Variants in ATG7 observed in about 807,000 individuals in gnomAD.
ATG7 encodes autophagy related 7, also known as ubiquitin-like modifier-activating enzyme ATG7.
Under a neutral mutation model 82.4 loss-of-function variants are expected in ATG7, and 70 were observed. The observed-to-expected ratio is 0.85, with a 90% CI of 0.70 to 1.04. ATG7 has a LOEUF of 1.04. ATG7 is among the 50% of genes least tolerant of loss of function. The pLI is 0.00. For synonymous variants in ATG7, 287 were observed against 313.0 expected (o/e 0.92, Z 0.88); for missense variants, 792 against 864.3 (o/e 0.92, Z 1.05).
At chr3:11,464,613 TG>T (rs2086652265) in intron 20 of ATG7, among the ~76,000 whole-genome samples, 1 of 152,220 alleles carries the variant, frequency 6.6e-6, no homozygotes, top group Non-Finnish European at 1.5e-5. Flanking sequence ...CAGATGGACT[TG>T]TTGTTTTAAT....
chr3:11,456,951 A>G (rs2085793852), intron 20 of ATG7, among the ~76,000 whole-genome samples: 2 of 152,174 alleles, frequency 1.3e-5, no homozygotes, highest in Non-Finnish European at 2.9e-5. Flanking sequence ...AGCTTCCAGC[A>G]TGTCTCCTCC....
intron 19 of ATG7, among the ~76,000 whole-genome samples, chr3:11,398,659 C>G (rs1000650847): frequency 1.3e-5 from 2 of 152,138 alleles, no homozygotes; most frequent in African/African-American, 4.8e-5. Flanking sequence ...TTGAGACCAG[C>G]CTGTGCAACA....
chr3:11,385,319 C>T (rs1054973747), intron 19 of ATG7, among the ~76,000 whole-genome samples: 5 of 152,190 alleles, frequency 3.3e-5, no homozygotes, highest in Admixed American at 1.3e-4. Flanking sequence ...TGAGCCACTG[C>T]GCTCAGCCAG....
At chr3:11,372,142 C>T (rs980579681) in intron 18 of ATG7, among the ~76,000 whole-genome samples, 3 of 151,364 alleles carry the variant, frequency 2.0e-5, no homozygotes, top group African/African-American at 4.9e-5. Flanking sequence ...CAGGGATTTC[C>T]ACTCAAAGTG....
intron 20 of ATG7, among the ~76,000 whole-genome samples, chr3:11,537,848 C>T (rs2070450919): frequency 6.6e-6 from 1 of 152,172 alleles, no homozygotes; most frequent in Non-Finnish European, 1.5e-5. Flanking sequence ...TCCTGAGAAA[C>T]GAGCTAGCCC....
At chr3:11,316,074 T>G (rs1252645460) in intron 9 of ATG7, among the ~76,000 whole-genome samples, 1 of 152,100 alleles carries the variant, frequency 6.6e-6, no homozygotes, top group Non-Finnish European at 1.5e-5. Context: ...CCTGATGTAT[T>G]TTACCCTCTA....
rs2072351198 is a variant in ATG7 at position 11,555,825 on chromosome 3, T to C, written c.*982T>C. On this transcript the variant is annotated 3_prime_UTR_variant, in exon 21 of 21. Coordinates refer to ENST00000693202, the MANE Select transcript of ATG7 (RefSeq NM_001349232.2). ...AGAGGGCATCGTCTTTCCTGCTATTTTATTCTTTCAGCTTTTGTCTTAGGC... is the reference window on the plus strand; with the variant it reads ...AGAGGGCATCGTCTTTCCTGCTATTCTATTCTTTCAGCTTTTGTCTTAGGC... The C allele has an allele frequency of 6.6e-6, 1 of 152,256 alleles. No homozygotes were observed. Among genetic ancestry groups the C allele is most frequent in the African/African-American group, 2.4e-5 (1 of 41,418 alleles). The allele number at this position is 152,256 out of a possible 1,614,324, so 9.4% of individuals were successfully genotyped here.
chr3:11,477,125 A>T, intron 20 of ATG7: 2 of 1,289,802 alleles, frequency 1.6e-6, no homozygotes, highest in African/African-American at 1.5e-5. Flanking sequence ...GCATGTTTGT[A>T]CCTGCCAGCA....
chr3:11,492,313 G>A (rs1188008591), intron 20 of ATG7, among the ~76,000 whole-genome samples: 1 of 152,214 alleles, frequency 6.6e-6, no homozygotes, highest in African/African-American at 2.4e-5. Flanking sequence ...GCCTCGCCCT[G>A]CTTCGGCTCG....
At chr3:11,292,650 C>CAATTGAACAACCCTTG (rs1945177491) in intron 3 of ATG7, among the ~76,000 whole-genome samples, 184 of 11,200 alleles carry the variant, frequency 0.016, 6 homozygotes, top group Admixed American at 0.024. Flanking sequence ...GAATTGAATT[C>CAATTGAACAACCCTTG]CCACCACACC....
At chr3:11,404,957 A>G (rs2080191392) in intron 19 of ATG7, among the ~76,000 whole-genome samples, 1 of 152,180 alleles carries the variant, frequency 6.6e-6, no homozygotes, top group Non-Finnish European at 1.5e-5. Context: ...TTGGGTGGGG[A>G]CACAGCCAAA....
chr3:11,451,954 G>C (rs142156109), intron 20 of ATG7, among the ~76,000 whole-genome samples: 234 of 58,488 alleles, frequency 4.0e-3, no homozygotes, highest in African/African-American at 0.014. Flanking sequence ...CTATTTTTGT[G>C]AAGTGTTCAG....
chr3:11,310,505 C>T (rs1431681512), intron 7 of ATG7, among the ~76,000 whole-genome samples: 1 of 152,166 alleles, frequency 6.6e-6, no homozygotes, highest in Admixed American at 6.5e-5. Flanking sequence ...ACAAGGAACA[C>T]ATTTTCTAAC....
intron 13 of ATG7, 98 bp downstream of exon 13, chr3:11,342,377 C>A: frequency 3.6e-6 from 5 of 1,383,046 alleles, no homozygotes; most frequent in Non-Finnish European, 4.8e-6. Context: ...AGCTCCCCAT[C>A]CCCTCCATCT....
intron 19 of ATG7, among the ~76,000 whole-genome samples, chr3:11,385,395 C>T (rs941547259): frequency 6.6e-6 from 1 of 152,214 alleles, no homozygotes; most frequent in Non-Finnish European, 1.5e-5. Context: ...TTTGCAAATG[C>T]ACCACTTAGA....
At chr3:11,515,243 T>A in intron 20 of ATG7, among the ~76,000 whole-genome samples, 1 of 152,182 alleles carries the variant, frequency 6.6e-6, no homozygotes, top group East Asian at 1.9e-4. Context: ...TTCAGTGTGT[T>A]CATGTCTCAA....
intron 19 of ATG7, among the ~76,000 whole-genome samples, chr3:11,423,081 G>A (rs778502202): frequency 3.9e-5 from 6 of 152,156 alleles, no homozygotes; most frequent in African/African-American, 1.4e-4. Flanking sequence ...TCGATTTAAA[G>A]TGAGAAATGT....
intron 18 of ATG7, among the ~76,000 whole-genome samples, chr3:11,378,281 T>TGCTAGG (rs1380050256): frequency 6.6e-6 from 1 of 150,478 alleles, no homozygotes; most frequent in Non-Finnish European, 1.5e-5. Context: ...CCTCCCAAAG[T>TGCTAGG]GCTAGGAGTA....
chr3:11,309,785 T>C (rs1450014757), intron 7 of ATG7, among the ~76,000 whole-genome samples: 6 of 152,162 alleles, frequency 3.9e-5, no homozygotes, highest in Non-Finnish European at 5.9e-5. Context: ...CTAATTTATA[T>C]CCTTTATTAT....
Sources: gnomAD v4.1 joint callset for allele counts (sites outside exome capture counted in the v4.1 genomes callset) on GRCh38, gnomAD v4.1.1 for gene constraint, MANE v1.5 for transcripts, NCBI Gene and HGNC (gene_info 2026-07-23, HGNC 2026-07-21) for gene names.